UTP14A: variants seen among roughly 807,000 people sequenced by gnomAD.
UTP14A encodes U3 small nucleolar RNA-associated protein 14 homolog A.
A neutral mutation model predicts 57.2 loss-of-function variants in UTP14A; 5 were observed. That is an observed-to-expected ratio of 0.09 (90% confidence interval 0.05 to 0.18). The LOEUF is 0.18. Among genes scored for constraint, UTP14A ranks in the 10% least tolerant of loss-of-function variants. The pLI, the probability that UTP14A is intolerant of heterozygous loss-of-function variation, is 1.00. For synonymous variants in UTP14A, 169 were observed against 210.9 expected (o/e 0.80, Z 1.72); for missense variants, 430 against 562.1 (o/e 0.76, Z 2.38).
Position 129,926,345 on chromosome X carries a change from A to C in UTP14A, c.2043+6A>C, listed in dbSNP as rs187016451. 4.2e-6 allele frequency: 5 copies of C among 1,197,650 alleles called. No individual in the cohort carries two copies. The African/African-American group carries it at 8.8e-5, about 21-fold the overall frequency. On this transcript the variant is annotated splice_donor_region_variant and intron_variant, in intron 14 of 14. Coordinates refer to ENST00000394422, the MANE Select transcript of UTP14A (RefSeq NM_006649.4). ...TCCACGCAGCTGCTCATCAGGTGAG[A>C]GCTTAGAGAGCTCTTTAGCTGCCTG...
Position 129,921,485 on chromosome X carries a change from G to A in UTP14A, c.1246G>A (p.Glu416Lys), listed in dbSNP as rs759933719. The A allele has an allele frequency of 5.8e-6, 7 of 1,211,727 alleles. No individual in the cohort carries two copies. The highest frequency in any genetic ancestry group is 3.3e-6 in the Non-Finnish European group (3 of 895,546). Residue 416 changes from glutamate to lysine, a missense_variant, in exon 11 of 15, where the codon GAA (glutamate) becomes AAA (lysine). By Grantham distance (56) the Glu-to-Lys change is moderately conservative. This residue lies in a region of UTP14A where 120 missense variants were observed against 116.8 expected (regional missense o/e 1.03). Transcript: ENST00000394422. ...TGAGGGAGAAGAAAGACCAGTGGCA[G>A]AAGAAGAAATTTTGTTGAGAGAATT... ...ESEGEERPVAEEEILLREFEE... is the reference protein window; with the variant it reads ...ESEGEERPVAKEEILLREFEE...
intron 6 of UTP14A, 38 bp from the exon 7 acceptor site, chrX:129,919,137 A>G (rs375186180): frequency 1.6e-5 from 19 of 1,209,621 alleles, no homozygotes; most frequent in East Asian, 1.2e-4. Flanking sequence ...CTGTAAGAGC[A>G]TGGCTTAAGA....
intron 12 of UTP14A, 121 bp from the exon 13 acceptor site, chrX:129,925,798 C>A (rs1381343956): frequency 2.3e-6 from 2 of 874,465 alleles, no homozygotes; most frequent in East Asian, 3.4e-5. Context: ...TATCGCAAGA[C>A]CATCATTGTT....
intron 12 of UTP14A, 141 bp downstream of exon 12, chrX:129,925,336 G>A (rs891513371): frequency 1.5e-5 from 12 of 825,874 alleles, no homozygotes; most frequent in African/African-American, 1.2e-4. Flanking sequence ...TCCCAGTGAC[G>A]TTTTAATAGA....
rs558309229 is a variant in UTP14A at position 129,912,665 on chromosome X, G to A, written c.537+744G>A. On this transcript the variant is annotated intron_variant, in intron 6 of 14. Coordinates refer to ENST00000394422, the MANE Select transcript of UTP14A (RefSeq NM_006649.4). ...CAAACTTTGCTTGTACAGGAATACC[G>A]CATTAAAATATAATGTGTTGCTGGC... Among the ~76,000 whole-genome samples, 4 of 110,974 alleles carry A rather than the reference G, an allele frequency of 3.6e-5. No homozygotes were observed. The South Asian group carries it at 1.1e-3, about 31-fold the overall frequency.
rs1409912329 is a variant in UTP14A, at chrX:129,924,978, T to C, written c.1532T>C (p.Leu511Pro). The change falls in exon 12 of 15, where the codon CTG becomes CCG. Residue 511 changes from leucine (L) to proline (P), a missense_variant. By Grantham distance (98) the Leu-to-Pro change is moderately conservative. This residue lies in a region of UTP14A where 120 missense variants were observed against 116.8 expected (regional missense o/e 1.03). Transcript: ENST00000394422. ...CAGAGACCAGAGAGAGTACAGACGCTGGAAGAGCTAGAAGAGCTGGGAAAA... is the reference window on the plus strand; with the variant it reads ...CAGAGACCAGAGAGAGTACAGACGCCGGAAGAGCTAGAAGAGCTGGGAAAA... ...LLQRPERVQT[L>P]EELEELGKEE... 2 of 1,211,068 alleles carry C rather than the reference T, an allele frequency of 1.7e-6. No individual in the cohort carries two copies. Among genetic ancestry groups the C allele is most frequent in the South Asian group, 1.8e-5 (1 of 56,945 alleles).
intron 8 of UTP14A, among the ~76,000 whole-genome samples, chrX:129,920,064 C>T (rs931766404): frequency 4.5e-5 from 5 of 111,592 alleles, no homozygotes; most frequent in African/African-American, 1.6e-4. Flanking sequence ...TAATGTGCAC[C>T]TATAGTCCCA....
At chrX:129,909,503 G>A (rs1037432726) in intron 4 of UTP14A, among the ~76,000 whole-genome samples, 4 of 111,268 alleles carry the variant, frequency 3.6e-5, no homozygotes, top group Non-Finnish European at 7.6e-5. Context: ...GCCACCGTGC[G>A]CGGCCTCAAG....
chrX:129,919,711 G>A (rs1236536388), intron 8 of UTP14A, among the ~76,000 whole-genome samples: 1 of 112,352 alleles, frequency 8.9e-6, no homozygotes, highest in African/African-American at 3.2e-5. Flanking sequence ...GCATCACAGA[G>A]TGGTTCTGCA....
rs1339539224 is a variant in UTP14A at position 129,926,305 on chromosome X, A to G, written c.2009A>G (p.Asn670Ser). ...KDKNLPNVII[N>S]EKRNIHAAAH... ...AAGAATTTGCCAAATGTGATTATCA[A>G]TGAGAAGCGCAACATCCACGCAGCT... The change falls in exon 14 of 15, where the codon AAT becomes AGT. Residue 670 changes from asparagine to serine, a missense_variant. Asn to Ser is a conservative substitution (Grantham distance 46). Coordinates refer to ENST00000394422, the MANE Select transcript of UTP14A (RefSeq NM_006649.4). 1.7e-6 allele frequency: 2 copies of G among 1,211,989 alleles called. No individual in the cohort carries two copies. Among genetic ancestry groups the G allele is most frequent in the South Asian group, 1.8e-5 (1 of 57,034 alleles).
At chrX:129,907,270 T>C in intron 1 of UTP14A, 97 bp from the exon 2 acceptor site, 2 of 667,602 alleles carry the variant, frequency 3.0e-6, no homozygotes, top group Non-Finnish European at 4.4e-6. Flanking sequence ...AATATTTCTT[T>C]TTTTAATTTC....
chrX:129,922,555 C>A (rs141411847), intron 11 of UTP14A: 3 of 110,841 alleles, frequency 2.7e-5, no homozygotes, highest in African/African-American at 9.8e-5. Context: ...TCCCAACTAG[C>A]TGGGACTACA....
chrX:129,909,675 C>T (rs921410369), intron 4 of UTP14A, among the ~76,000 whole-genome samples: 3 of 111,500 alleles, frequency 2.7e-5, no homozygotes, highest in Non-Finnish European at 5.7e-5. Flanking sequence ...CCAATTTTCA[C>T]CCTGGGGTGG....
intron 6 of UTP14A, among the ~76,000 whole-genome samples, chrX:129,918,247 C>T (rs1033825405): frequency 3.6e-5 from 4 of 109,715 alleles, no homozygotes; most frequent in African/African-American, 1.0e-4. Context: ...GTTAGCCAGG[C>T]ATGGTGGCTT....
intron 2 of UTP14A, among the ~76,000 whole-genome samples, 161 bp from the exon 3 acceptor site, chrX:129,907,899 T>A (rs775597116): frequency 3.7e-4 from 41 of 111,711 alleles, no homozygotes; most frequent in Non-Finnish European, 6.6e-4. Context: ...GAGCTTGCAG[T>A]GAGCCAAGAT....
intron 14 of UTP14A, among the ~76,000 whole-genome samples, chrX:129,928,384 CAAAAAAAAAAAA>C (rs1183151025): frequency 2.3e-4 from 2 of 8,763 alleles, no homozygotes; most frequent in Admixed American, 1.6e-3. Context: ...GACTCCATCT[CAAAAAAAAAAAA>C]AAAAAAAAAA....
At chrX:129,925,675 C>T (rs1196014462) in intron 12 of UTP14A, among the ~76,000 whole-genome samples, 1 of 112,400 alleles carries the variant, frequency 8.9e-6, no homozygotes, top group African/African-American at 3.2e-5. Flanking sequence ...TTCCTTCCTC[C>T]ACCCTGCAGC....
In UTP14A at chrX:129,928,627, A is replaced by G. The variant is rs763898742; in HGVS notation, c.2044-709A>G. ...AAATTAGCCGGGCGTGGTGGTGGGC[A>G]CCTGTAGTCCCAGCTACTCGGGAGG... is the stretch of plus-strand genomic sequence containing the variant. On this transcript the variant is annotated intron_variant, in intron 14 of 14. Coordinates refer to ENST00000394422, the MANE Select transcript of UTP14A (RefSeq NM_006649.4). Among the ~76,000 whole-genome samples the G allele has an allele frequency of 7.5e-3, 764 of 101,887 alleles. 2 individuals are homozygous for G. Among genetic ancestry groups the G allele is most frequent in the African/African-American group, 0.026 (733 of 27,790 alleles). 88.5% of individuals were successfully genotyped at this position (101,887 alleles called of 115,157 possible). A position where few individuals can be genotyped will look rare whatever the true frequency, so the allele number is the denominator to read the frequency against.
intron 8 of UTP14A, 94 bp downstream of exon 8, chrX:129,919,583 C>A: frequency 2.1e-6 from 2 of 969,680 alleles, no homozygotes; most frequent in Non-Finnish European, 2.8e-6. Context: ...GATGCAGCAA[C>A]TAGAGTCATG....
Sources: gnomAD v4.1 joint callset for allele counts (sites outside exome capture counted in the v4.1 genomes callset) on GRCh38, gnomAD v4.1.1 for gene constraint, gnomAD v4.1.1 regional missense constraint, MANE v1.5 for transcripts, NCBI Gene and HGNC (gene_info 2026-07-23, HGNC 2026-07-21) for gene names.